KCP: variants seen among roughly 807,000 people sequenced by gnomAD.
The protein encoded by KCP is kielin cysteine rich BMP regulator.
In KCP, 194 loss-of-function variants were observed where a neutral mutation model predicts 212.7. The ratio of observed to expected loss-of-function variants is 0.91; its 90% CI spans 0.81 to 1.03. The LOEUF (loss-of-function observed/expected upper bound fraction) is 1.03, where lower values mean the gene tolerates loss of function less well. Ranked by LOEUF, KCP falls within the 50% of genes least tolerant of loss-of-function variation. The pLI, the probability that KCP is intolerant of heterozygous loss-of-function variation, is 0.00. For synonymous variants in KCP, 833 were observed against 865.3 expected, an observed-to-expected ratio of 0.96 and a Z score of 0.65; for missense variants, 2,080 against 2,162.5, an observed-to-expected ratio of 0.96 and a Z score of 0.76.
Position 128,891,010 on chromosome 7 carries a change from GGCAGGGATCGCC to G in KCP, c.2047_2058del (p.Gly683_Cys686del). ...GAGCCGTCGAGGCAGAGGCAGCGGCGGCAGGGATCGCCGGGCGGGGAGAAGTACTCCTGGTGG... is the reference window on the plus strand; with the variant it reads ...GAGCCGTCGAGGCAGAGGCAGCGGCGGGGCGGGGAGAAGTACTCCTGGTGG... On this transcript the variant is annotated inframe_deletion, in exon 20 of 40. Transcript: ENST00000610776. 7.4e-7 allele frequency: 1 copy of G among 1,345,280 alleles called. No homozygotes were observed. Among genetic ancestry groups the G allele is most frequent in the South Asian group, 1.9e-5 (1 of 52,364 alleles). The allele number at this position is 1,345,280 out of a possible 1,614,324, so 83.3% of individuals were successfully genotyped here.
At chr7:128,892,221 T>TG (rs1288368054) in intron 16 of KCP, among the ~76,000 whole-genome samples, 2 of 14,324 alleles carry the variant, frequency 1.4e-4, no homozygotes, top group South Asian at 2.0e-3. Context: ...TGGGTTTACC[T>TG]GGGGGGTAGG....
intron 8 of KCP, among the ~76,000 whole-genome samples, chr7:128,895,673 C>A (rs149382369): frequency 1.2e-3 from 189 of 152,302 alleles, no homozygotes; most frequent in African/African-American, 4.4e-3. Flanking sequence ...AAAGACCTTG[C>A]TGATAGAACA....
intron 24 of KCP, 24 bp downstream of exon 24, chr7:128,886,852 C>A (rs1311237695): frequency 6.9e-7 from 1 of 1,456,756 alleles, no homozygotes; most frequent in African/African-American, 1.4e-5. Context: ...GGCATGGGGG[C>A]CGCGCATGAG....
In KCP at chr7:128,892,711, G is replaced by A. The variant is rs1003848657; in HGVS notation, c.1504C>T (p.Pro502Ser). 2 of 1,551,676 alleles carry A rather than the reference G, an allele frequency of 1.3e-6. No homozygotes were observed. Among genetic ancestry groups the A allele is most frequent in the Middle Eastern group, 3.3e-4 (2 of 5,992 alleles). Residue 502 changes from proline to serine, a missense_variant, in exon 15 of 40, where the codon CCT becomes TCT. Pro to Ser is a moderately conservative substitution (Grantham distance 74). Coordinates refer to ENST00000610776, the MANE Select transcript of KCP (RefSeq NM_001366122.1). Reference sequence around the variant, plus strand: ...ACCTGACAGTGGCAGGCATGGCAAGGGCTGTCTGCATCCGTGAAGTTCTGC... The same window carrying A: ...ACCTGACAGTGGCAGGCATGGCAAGAGCTGTCTGCATCCGTGAAGTTCTGC... ...NGQNFTDADS[P>S]CHACHCQDGT...
At chr7:128,886,198 G>T (rs1046181064) in intron 26 of KCP, among the ~76,000 whole-genome samples, 6 of 152,316 alleles carry the variant, frequency 3.9e-5, no homozygotes, top group Middle Eastern at 3.4e-3. Context: ...CTCCCAAAGT[G>T]CTGGGATTGC....
chr7:128,886,965 T>A lies in KCP; in HGVS notation c.2600A>T (p.Glu867Val). The change falls in exon 24 of 40, where the codon GAA (glutamate) becomes GTA (valine). Residue 867 changes from glutamate (E) to valine (V), a missense_variant and splice_region_variant. Glu to Val is a moderately radical substitution (Grantham distance 121). Transcript: ENST00000610776. The stretch of plus-strand genomic sequence containing the variant: ...CTTCTTCTGGCAGCGCATGGAACCT[T>A]CCTGGGGGAGAGAGGCCCATCACAC... ...DPTCSLCTCQEGSMRCQKKPC... is the reference protein window; with the variant it reads ...DPTCSLCTCQVGSMRCQKKPC... 1 of 1,486,586 alleles carries A rather than the reference T, an allele frequency of 6.7e-7. No homozygotes were observed. The highest frequency in any genetic ancestry group is 9.2e-7 in the Non-Finnish European group (1 of 1,091,748). 92.1% of individuals were successfully genotyped at this position (1,486,586 alleles called of 1,614,324 possible).
At position 128,892,564 on chromosome 7, in the gene KCP, G is replaced by T; in HGVS notation, c.1571C>A (p.Thr524Asn). ...TCSLVDCPPT[T>N]CARPQSGPGQ... is the part of the protein sequence containing the mutation. The stretch of plus-strand genomic sequence containing the variant: ...TGGTCCACTCTGGGGCCTGGCACAG[G>T]TCGTGGGAGGGCAGTCAACCAAGGA... Residue 524 changes from threonine (T) to asparagine (N), a missense_variant, in exon 16 of 40, where the codon ACC becomes AAC. Physicochemically the swap from Thr to Asn is moderately conservative, Grantham distance 65. Coordinates refer to ENST00000610776, the MANE Select transcript of KCP (RefSeq NM_001366122.1). 1.9e-6 allele frequency: 3 copies of T among 1,550,132 alleles called. No homozygotes were observed. The highest frequency in any genetic ancestry group is 2.6e-6 in the Non-Finnish European group (3 of 1,145,998).
chr7:128,904,311 C>G, intron 5 of KCP, 173 bp from the exon 6 acceptor site: 1 of 1,552,344 alleles, frequency 6.4e-7, no homozygotes, highest in Non-Finnish European at 8.7e-7. Context: ...CAGCACTCCC[C>G]AGGTGGGGTG....
chr7:128,909,917 G>A (rs957308882), intron 1 of KCP, among the ~76,000 whole-genome samples: 2 of 152,290 alleles, frequency 1.3e-5, no homozygotes, highest in South Asian at 2.1e-4. Flanking sequence ...CAAGCACACA[G>A]AGGGCGGCCA....
chr7:128,878,055 C>CT (rs34574520), intron 38 of KCP, among the ~76,000 whole-genome samples: 20,134 of 131,732 alleles, frequency 0.15, 1,862 homozygotes, highest in East Asian at 0.34. Context: ...AACAAGCCTT[C>CT]TTTTTTTTTT....
In KCP at chr7:128,886,495, G is replaced by C; in HGVS notation, c.2835C>G (p.Thr945=). 6.5e-7 allele frequency: 1 copy of C among 1,550,370 alleles called. No homozygotes were observed. Among genetic ancestry groups the C allele is most frequent in the Non-Finnish European group, 8.7e-7 (1 of 1,146,394 alleles). Residue 945 remains threonine, a synonymous_variant, in exon 26 of 40, where the codon ACC becomes ACG. Transcript: ENST00000610776. ...AGCGAGGGCAGCAGCTCCCCCGCTC[G>C]GTGACCTGGAGCTTGCAGGGAAGGG... is the stretch of plus-strand genomic sequence containing the variant. ...CPPLPCKLQV[T]ERGSCCPRCR...
At position 128,907,366 on chromosome 7, in the gene KCP, AG is replaced by A; in HGVS notation, c.306del (p.Trp103GlyfsTer116). ...GGCTCCCAGCGTGCCCCCTCGGGCC[AG>A]GCACGCCCCAGCCCCCAGCACTGGG... ...ASPQCWGLGR[A>X]WPEGARWEPD... is the part of the protein sequence containing the mutation. On this transcript the variant is annotated frameshift_variant, in exon 3 of 40. Transcript: ENST00000610776. LOFTEE classifies it high-confidence loss of function. 6.5e-7 allele frequency: 1 copy of A among 1,542,682 alleles called. No individual in the cohort carries two copies. The highest frequency in any genetic ancestry group is 8.8e-7 in the Non-Finnish European group (1 of 1,140,318).
chr7:128,891,620 A>G (rs2128947468), intron 17 of KCP, 26 bp downstream of exon 17: 3 of 1,496,226 alleles, frequency 2.0e-6, no homozygotes, highest in East Asian at 4.9e-5. Context: ...CCATCCCAGA[A>G]GGCCGCCCTG....
intron 28 of KCP, 113 bp downstream of exon 28, chr7:128,884,668 T>C (rs914658497): frequency 2.5e-5 from 24 of 961,500 alleles, no homozygotes; most frequent in African/African-American, 4.8e-5. Flanking sequence ...ATACACTCCT[T>C]TGGCCCCCAG....
Position 128,892,797 on chromosome 7 carries a change from G to C in KCP, c.1421-3C>G. On this transcript the variant is annotated splice_polypyrimidine_tract_variant and splice_region_variant and intron_variant, in intron 14 of 39. Transcript: ENST00000610776. ...GTCACAGCTGGGGCAGCAGGCACCT[G>C]GGTGGGGCAGGCTGGTCAGGGTGAG... 1.3e-6 allele frequency: 2 copies of C among 1,551,690 alleles called. No homozygotes were observed. Among genetic ancestry groups the C allele is most frequent in the East Asian group, 2.4e-5 (1 of 40,918 alleles).
rs189521813 is a variant in KCP, at chr7:128,882,932, C to T, written c.3245-916G>A. Among the ~76,000 whole-genome samples, 490 of 150,958 alleles carry T rather than the reference C, an allele frequency of 3.2e-3. 2 individuals carry two copies. The highest frequency in any genetic ancestry group is 0.012 in the African/African-American group (478 of 40,848). On this transcript the variant is annotated intron_variant, in intron 29 of 39. Transcript: ENST00000610776. ...ACTAAAAATACAAAAATTAGCCAGG[C>T]TTGATGGCGCATGCCTATAATCCCA...
chr7:128,880,368 T>A lies in KCP; in HGVS notation c.3759+18A>T. The A allele has an allele frequency of 1.3e-6, 2 of 1,505,424 alleles. No homozygotes were observed. The highest frequency in any genetic ancestry group is 4.2e-5 in the Admixed American group (2 of 47,816). The allele number at this position is 1,505,424 out of a possible 1,614,324, so 93.3% of individuals were successfully genotyped here. A position where few individuals can be genotyped will look rare whatever the true frequency, so the allele number is the denominator to read the frequency against. ...CCCCACCCTGACCCTCCCCACCATTTTAGATTGCGGCACTCACGGGGCCAC... is the reference window on the plus strand; with the variant it reads ...CCCCACCCTGACCCTCCCCACCATTATAGATTGCGGCACTCACGGGGCCAC... On this transcript the variant is annotated intron_variant, in intron 34 of 39. Coordinates refer to ENST00000610776, the MANE Select transcript of KCP (RefSeq NM_001366122.1).
At position 128,877,650 on chromosome 7, in the gene KCP, A is replaced by G; in HGVS notation, c.4452T>C (p.His1484=). 1.3e-6 allele frequency: 2 copies of G among 1,551,620 alleles called. No individual in the cohort carries two copies. The highest frequency in any genetic ancestry group is 1.7e-6 in the Non-Finnish European group (2 of 1,146,990). The part of the protein sequence containing the change: ...VLKSSPFSRC[H]AVVPPEPFFA... ...AGAAGGGCTCCGGTGGCACCACAGC[A>G]TGGCAGCGACTGAATGGGGAGGACT... The change falls in exon 39 of 40, where the codon CAT becomes CAC. Residue 1484 remains histidine, a synonymous_variant. Transcript: ENST00000610776.
At position 128,877,794 on chromosome 7, in the gene KCP, G is replaced by T; in HGVS notation, c.4312-4C>A. 6.5e-7 allele frequency: 1 copy of T among 1,543,646 alleles called. No individual in the cohort carries two copies. The highest frequency in any genetic ancestry group is 8.8e-7 in the Non-Finnish European group (1 of 1,142,806). ...CAGGCCACAGCCCCTCTGAGACCTG[G>T]GTGGGGAGAGCAGCCCTGACGTGAC... On this transcript the variant is annotated splice_region_variant and splice_polypyrimidine_tract_variant and intron_variant, in intron 38 of 39. Transcript: ENST00000610776.
Sources: gnomAD v4.1 joint callset for allele counts (sites outside exome capture counted in the v4.1 genomes callset) on GRCh38, gnomAD v4.1.1 for gene constraint, MANE v1.5 for transcripts, NCBI Gene and HGNC (gene_info 2026-07-23, HGNC 2026-07-21) for gene names.